The following DIAPH2 variants were observed in gnomAD, a reference collection of about 807,000 sequenced individuals.
DIAPH2 encodes protein diaphanous homolog 2.
In DIAPH2, 35 loss-of-function variants were observed where a neutral mutation model predicts 92.7. The observed-to-expected ratio is 0.38, with a 90% CI of 0.29 to 0.50. DIAPH2 has a LOEUF of 0.50. Among genes scored for constraint, DIAPH2 ranks in the 20% least tolerant of loss-of-function variants. DIAPH2 has a pLI of 0.94. For synonymous variants in DIAPH2, 301 were observed against 280.4 expected (o/e 1.07, Z -0.73); for missense variants, 701 against 819.5 (o/e 0.86, Z 1.77).
intron 25 of DIAPH2, among the ~76,000 whole-genome samples, chrX:97,424,011 C>T (rs2070037043): frequency 1.8e-5 from 2 of 111,666 alleles, no homozygotes; most frequent in Admixed American, 1.9e-4. Flanking sequence ...AAATCACATA[C>T]AAAATTTCAC....
chrX:97,259,398 T>G (rs1354711176), intron 23 of DIAPH2, among the ~76,000 whole-genome samples: 2 of 111,956 alleles, frequency 1.8e-5, no homozygotes. Flanking sequence ...TGAGAGCTGT[T>G]ACTAAGAAAG....
At chrX:97,316,263 G>A (rs1449879362) in intron 23 of DIAPH2, among the ~76,000 whole-genome samples, 1 of 110,713 alleles carries the variant, frequency 9.0e-6, no homozygotes, top group Non-Finnish European at 1.9e-5. Flanking sequence ...AAGCATAGAT[G>A]ATCCTTCCTG....
chrX:97,274,177 C>G (rs1602468904), intron 23 of DIAPH2, among the ~76,000 whole-genome samples: 1 of 110,117 alleles, frequency 9.1e-6, no homozygotes, highest in African/African-American at 3.3e-5. Flanking sequence ...TTTTGAAAAC[C>G]AGAAGGACTC....
chrX:97,463,571 A>T (rs1255185552), intron 26 of DIAPH2, among the ~76,000 whole-genome samples: 1 of 109,517 alleles, frequency 9.1e-6, no homozygotes, highest in Non-Finnish European at 1.9e-5. Flanking sequence ...TTGTATTTTT[A>T]GTAGAGACAG....
At chrX:97,194,495 A>G (rs1215807171) in intron 22 of DIAPH2, among the ~76,000 whole-genome samples, 8 of 109,845 alleles carry the variant, frequency 7.3e-5, no homozygotes, top group African/African-American at 1.3e-4. Flanking sequence ...TGTGTTAGCC[A>G]GGATGGTCTC....
At chrX:96,689,363 G>GAA (rs11389197) in intron 1 of DIAPH2, among the ~76,000 whole-genome samples, 5 of 104,037 alleles carry the variant, frequency 4.8e-5, no homozygotes, top group African/African-American at 1.8e-4. Context: ...TTGGGTTTCA[G>GAA]AAAAAAAAGT....
chrX:97,337,130 CTT>C (rs374498749), intron 23 of DIAPH2, among the ~76,000 whole-genome samples: 2 of 99,102 alleles, frequency 2.0e-5, no homozygotes, highest in Non-Finnish European at 2.1e-5. Flanking sequence ...TCTTTCTTTT[CTT>C]TTTTTTTTTT....
chrX:97,377,740 A>G (rs2069514237), intron 24 of DIAPH2, among the ~76,000 whole-genome samples: 1 of 111,534 alleles, frequency 9.0e-6, no homozygotes, highest in Non-Finnish European at 1.9e-5. Context: ...CCGACTTAAA[A>G]TGATCCATAT....
chrX:97,111,926 A>T (rs1197516643), intron 20 of DIAPH2, among the ~76,000 whole-genome samples: 3 of 112,525 alleles, frequency 2.7e-5, no homozygotes, highest in African/African-American at 9.7e-5. Context: ...TTGTTTTGAG[A>T]ATCAAATCAG....
At chrX:97,500,861 G>GTT (rs1287404278) in intron 26 of DIAPH2, among the ~76,000 whole-genome samples, 1 of 101,689 alleles carries the variant, frequency 9.8e-6, no homozygotes, top group Non-Finnish European at 2.0e-5. Context: ...TCCTTTGCCA[G>GTT]TTCTCCAAAT....
intron 4 of DIAPH2, among the ~76,000 whole-genome samples, chrX:96,838,634 A>G (rs1301319293): frequency 1.8e-5 from 2 of 111,952 alleles, no homozygotes; most frequent in African/African-American, 3.2e-5. Flanking sequence ...CATTTCTTTA[A>G]CAGGGCCTTG....
intron 16 of DIAPH2, among the ~76,000 whole-genome samples, chrX:96,959,520 T>A (rs1261443150): frequency 8.9e-6 from 1 of 112,294 alleles, no homozygotes; most frequent in Non-Finnish European, 1.9e-5. Context: ...TTTTGGATAT[T>A]AGTCCATTGT....
At chrX:97,410,396 G>A (rs910481622) in intron 25 of DIAPH2, among the ~76,000 whole-genome samples, 2 of 111,537 alleles carry the variant, frequency 1.8e-5, no homozygotes, top group African/African-American at 6.5e-5. Flanking sequence ...CACCAAAACC[G>A]AATCTGTAGG....
intron 25 of DIAPH2, among the ~76,000 whole-genome samples, chrX:97,411,467 A>T (rs951588566): frequency 1.8e-5 from 2 of 112,070 alleles, no homozygotes; most frequent in Non-Finnish European, 3.8e-5. Flanking sequence ...TGTAAAGACC[A>T]TCGAGGCTAG....
intron 23 of DIAPH2, among the ~76,000 whole-genome samples, chrX:97,307,170 A>T (rs2068754019): frequency 8.9e-6 from 1 of 112,185 alleles, no homozygotes; most frequent in South Asian, 3.7e-4. Context: ...CACCAGGATG[A>T]TCTTGCCAGT....
At chrX:96,895,463 A>T (rs1303287811) in intron 5 of DIAPH2, among the ~76,000 whole-genome samples, 1 of 112,205 alleles carries the variant, frequency 8.9e-6, no homozygotes, top group African/African-American at 3.2e-5. Flanking sequence ...TGGGCTTATT[A>T]ATCTGTGAAC....
In DIAPH2 at chrX:97,542,247, TC is replaced by T. The variant is rs1230077452; in HGVS notation, c.3242-57003del. On this transcript the variant is annotated intron_variant, in intron 26 of 26. Transcript: ENST00000324765. ...AGTTGTGTGGTAAGTTATGTCAACC[TC>T]CCAGTCAGAAAGTCTTCAGTAAGTT... Among the ~76,000 whole-genome samples the T allele has an allele frequency of 3.6e-5, 4 of 111,914 alleles. No homozygotes were observed. The Admixed American group carries it at 3.8e-4, about 11-fold the overall frequency.
At chrX:97,180,487 G>T (rs914209245) in intron 22 of DIAPH2, among the ~76,000 whole-genome samples, 7 of 111,819 alleles carry the variant, frequency 6.3e-5, no homozygotes, top group African/African-American at 2.3e-4. Context: ...TTCTTTTGCT[G>T]TGCAGAAGCT....
intron 17 of DIAPH2, among the ~76,000 whole-genome samples, chrX:96,983,126 C>T (rs2066008381): frequency 9.0e-6 from 1 of 110,799 alleles, no homozygotes. Flanking sequence ...CTAATGTTGT[C>T]TATTATCTTT....
Sources: gnomAD v4.1 joint callset for allele counts (sites outside exome capture counted in the v4.1 genomes callset) on GRCh38, gnomAD v4.1.1 for gene constraint, MANE v1.5 for transcripts, NCBI Gene and HGNC (gene_info 2026-07-23, HGNC 2026-07-21) for gene names.